AADACL4: variants seen among roughly 807,000 people sequenced by gnomAD.
AADACL4 encodes the protein arylacetamide deacetylase-like 4.
Under a neutral mutation model 14.1 loss-of-function variants are expected in AADACL4, and 9 were observed. That is an observed-to-expected ratio of 0.64 (90% CI 0.39 to 1.12). The LOEUF is 1.12. Ranked by LOEUF, AADACL4 falls within the 50% of genes most tolerant of loss-of-function variation. AADACL4 has a pLI of 0.01. For missense variants in AADACL4, 531 were observed against 516.1 expected, an observed-to-expected ratio of 1.03 and a Z score of -0.28; for synonymous variants, 188 against 201.6, an observed-to-expected ratio of 0.93 and a Z score of 0.57.
At chr1:12,652,357 C>T (rs2100760832) in intron 2 of AADACL4, among the ~76,000 whole-genome samples, 1 of 152,286 alleles carries the variant, frequency 6.6e-6, no homozygotes, top group African/African-American at 2.4e-5. Flanking sequence ...AAAAGATACC[C>T]TTCCCACCCC....
At chr1:12,655,295 C>G (rs1038530870) in intron 2 of AADACL4, among the ~76,000 whole-genome samples, 6 of 152,044 alleles carry the variant, frequency 3.9e-5, no homozygotes, top group African/African-American at 1.2e-4. Context: ...GTAACTGGCC[C>G]CTGAGTCAAT....
At chr1:12,646,714 A>T (rs1647113386) in intron 1 of AADACL4, among the ~76,000 whole-genome samples, 2 of 152,202 alleles carry the variant, frequency 1.3e-5, no homozygotes, top group South Asian at 4.1e-4. Context: ...ACATCTACTG[A>T]TGACAGCTGC....
Position 12,666,277 on chromosome 1 carries a change from T to C in AADACL4, c.766T>C (p.Tyr256His). 1.2e-6 allele frequency: 2 copies of C among 1,614,248 alleles called. No individual in the cohort carries two copies. The highest frequency in any genetic ancestry group is 8.5e-7 in the Non-Finnish European group (1 of 1,180,050). Reference protein sequence around the residue: ...RKFMVTSLCNYLAIDLSWRDA... With the variant: ...RKFMVTSLCNHLAIDLSWRDA... ...GTTCATGGTGACTTCTCTGTGTAAC[T>C]ATCTGGCCATTGACCTCTCCTGGCG... Residue 256 changes from tyrosine (Y) to histidine (H), a missense_variant, in exon 4 of 4, where the codon TAT (tyrosine) becomes CAT (histidine). Physicochemically the swap from Tyr to His is moderately conservative, Grantham distance 83 (BLOSUM62 2). Transcript: ENST00000376221.
intron 3 of AADACL4, among the ~76,000 whole-genome samples, chr1:12,664,281 T>C (rs909303083): frequency 6.6e-6 from 1 of 152,220 alleles, no homozygotes; most frequent in African/African-American, 2.4e-5. Flanking sequence ...TAAGGTGTTA[T>C]TTTTCCTTAT....
intron 2 of AADACL4, among the ~76,000 whole-genome samples, chr1:12,654,526 C>A (rs900086620): frequency 5.3e-5 from 8 of 152,174 alleles, no homozygotes; most frequent in African/African-American, 1.9e-4. Context: ...GATTTAGAAG[C>A]AGCAAGCATT....
intron 1 of AADACL4, among the ~76,000 whole-genome samples, chr1:12,648,078 C>T (rs150366711): frequency 4.5e-4 from 68 of 152,282 alleles, no homozygotes; most frequent in African/African-American, 1.5e-3. Context: ...TCAAGCGATT[C>T]TCCTGCCTCA....
intron 1 of AADACL4, among the ~76,000 whole-genome samples, chr1:12,646,340 C>A (rs74057607): frequency 2.6e-5 from 4 of 152,158 alleles, no homozygotes; most frequent in African/African-American, 4.8e-5. Context: ...GTTAATATGT[C>A]TAGAGATGTT....
chr1:12,663,428 A>G (rs1426092194), intron 3 of AADACL4, among the ~76,000 whole-genome samples: 1 of 152,158 alleles, frequency 6.6e-6, no homozygotes, highest in Non-Finnish European at 1.5e-5. Flanking sequence ...AAGAGAAGCC[A>G]GAGAGCTCTC....
intron 2 of AADACL4, among the ~76,000 whole-genome samples, chr1:12,658,683 G>T (rs1570432007): frequency 7.1e-6 from 1 of 140,774 alleles, no homozygotes; most frequent in East Asian, 2.0e-4. Context: ...CACCCCCGGC[G>T]CTGATGCTGC....
Position 12,665,973 on chromosome 1 carries a change from T to C in AADACL4, c.462T>C (p.Leu154=). The C allele has an allele frequency of 6.2e-7, 1 of 1,606,848 alleles. No individual in the cohort carries two copies. ...SVLLMIGYRK[L]PDHHSPALFQ... ...GTTTTCGTTTTAGGTACCGCAAGCT[T>C]CCTGACCACCATTCCCCTGCCCTTT... Residue 154 remains leucine, a synonymous_variant, in exon 4 of 4, where the codon CTT becomes CTC. Transcript: ENST00000376221.
chr1:12,652,508 C>T (rs546434164), intron 2 of AADACL4, among the ~76,000 whole-genome samples: 2 of 152,084 alleles, frequency 1.3e-5, no homozygotes, highest in Non-Finnish European at 2.9e-5. Flanking sequence ...CTCTTGAAAC[C>T]GTTGGGAGAA....
chr1:12,644,412 C>T lies in AADACL4; in HGVS notation c.-135C>T, dbSNP rs780562671. The T allele has an allele frequency of 2.0e-6, 2 of 981,472 alleles. No homozygotes were observed. Among genetic ancestry groups the T allele is most frequent in the Non-Finnish European group, 1.5e-6 (1 of 673,006 alleles). 60.8% of individuals were successfully genotyped at this position (981,472 alleles called of 1,614,324 possible). A position where few individuals can be genotyped will look rare whatever the true frequency, so the allele number is the denominator to read the frequency against. Reference sequence around the variant, plus strand: ...GCTTACCCTGAGAAGCTGTGTCAGGCCACTGTGTCAGGTGTCAGGCTTAGC... The same window carrying T: ...GCTTACCCTGAGAAGCTGTGTCAGGTCACTGTGTCAGGTGTCAGGCTTAGC... On this transcript the variant is annotated 5_prime_UTR_variant, in exon 1 of 4. Coordinates refer to ENST00000376221, the MANE Select transcript of AADACL4 (RefSeq NM_001013630.2).
At chr1:12,664,395 GTC>G (rs1020672223) in intron 3 of AADACL4, among the ~76,000 whole-genome samples, 26 of 149,626 alleles carry the variant, frequency 1.7e-4, no homozygotes, top group African/African-American at 6.2e-4. Context: ...TTGAGATGGA[GTC>G]TCACTCTCTC....
intron 1 of AADACL4, among the ~76,000 whole-genome samples, chr1:12,645,917 T>A (rs1647108598): frequency 6.6e-6 from 1 of 152,188 alleles, no homozygotes; most frequent in Non-Finnish European, 1.5e-5. Flanking sequence ...TGGTAGGTGC[T>A]TACTTTTGTT....
At chr1:12,653,457 C>T (rs1487612120) in intron 2 of AADACL4, among the ~76,000 whole-genome samples, 4 of 152,158 alleles carry the variant, frequency 2.6e-5, no homozygotes, top group Non-Finnish European at 4.4e-5. Context: ...TCAGCAGTGA[C>T]GTTATTGAAA....
chr1:12,648,655 G>A (rs1251290211), intron 1 of AADACL4, among the ~76,000 whole-genome samples: 9 of 150,754 alleles, frequency 6.0e-5, no homozygotes, highest in Admixed American at 6.0e-4. Flanking sequence ...TGCCAGCTTC[G>A]GCTTCCCAAA....
intron 3 of AADACL4, among the ~76,000 whole-genome samples, chr1:12,665,115 C>A (rs960384138): frequency 2.0e-5 from 3 of 152,242 alleles, no homozygotes; most frequent in Non-Finnish European, 4.4e-5. Context: ...GCAGCCTCAA[C>A]CTTCTGGGCT....
At position 12,651,348 on chromosome 1, in the gene AADACL4, C is replaced by G; in HGVS notation, c.385+9C>G. ...AGTATTTGGGAGCCTGGGTAAGGGG[C>G]TTCCCTGTGGCTTTGTAGAGGAAGG... On this transcript the variant is annotated intron_variant, in intron 2 of 3. Transcript: ENST00000376221. 1 of 1,613,734 alleles carries G rather than the reference C, an allele frequency of 6.2e-7. No homozygotes were observed. The highest frequency in any genetic ancestry group is 8.5e-7 in the Non-Finnish European group (1 of 1,179,856).
At chr1:12,663,575 A>G (rs981600148) in intron 3 of AADACL4, among the ~76,000 whole-genome samples, 59 of 152,186 alleles carry the variant, frequency 3.9e-4, no homozygotes, top group African/African-American at 1.3e-3. Context: ...TTAGGGGGAC[A>G]CACACATTCA....
Sources: gnomAD v4.1 joint callset for allele counts (sites outside exome capture counted in the v4.1 genomes callset) on GRCh38, gnomAD v4.1.1 for gene constraint, MANE v1.5 for transcripts, NCBI Gene and HGNC (gene_info 2026-07-23, HGNC 2026-07-21) for gene names.